The following PDZD2 variants were observed in gnomAD, a reference collection of about 807,000 sequenced individuals.
PDZD2 encodes PDZ domain containing 2, also known as PDZ domain-containing protein 2.
Under a neutral mutation model 220.7 loss-of-function variants are expected in PDZD2, and 90 were observed. The observed-to-expected ratio is 0.41, with a 90% CI of 0.34 to 0.49. The LOEUF is 0.49. PDZD2 is among the 20% of genes least tolerant of loss of function. The pLI is 0.28. For synonymous variants in PDZD2, 1,375 were observed against 1,450.5 expected, an observed-to-expected ratio of 0.95 and a Z score of 1.18; for missense variants, 3,174 against 3,608.5, an observed-to-expected ratio of 0.88 and a Z score of 3.08.
chr5:31,942,962 G>C (rs1746334428), intron 2 of PDZD2, among the ~76,000 whole-genome samples: 3 of 152,180 alleles, frequency 2.0e-5, no homozygotes, highest in Admixed American at 2.0e-4. Context: ...CAGCACTTTG[G>C]GAGCCCAAGG....
intron 1 of PDZD2, among the ~76,000 whole-genome samples, chr5:31,789,694 C>T (rs1472710468): frequency 6.6e-6 from 1 of 152,150 alleles, no homozygotes; most frequent in African/African-American, 2.4e-5. Context: ...TTTGGGAGGC[C>T]GAGGCATCCG....
At chr5:31,908,388 C>T (rs1307777007) in intron 2 of PDZD2, 6 of 408,594 alleles carry the variant, frequency 1.5e-5, no homozygotes, top group Non-Finnish European at 2.7e-5. Flanking sequence ...CCTTGTCAGC[C>T]ATGATCAGGT....
At chr5:31,689,276 C>T (rs7709227) in intron 1 of PDZD2, among the ~76,000 whole-genome samples, 3 of 71,358 alleles carry the variant, frequency 4.2e-5, no homozygotes, top group African/African-American at 1.9e-4. Context: ...TACATATATA[C>T]ATATATATAC....
At chr5:31,789,044 A>G (rs1753547646) in intron 1 of PDZD2, among the ~76,000 whole-genome samples, 1 of 152,248 alleles carries the variant, frequency 6.6e-6, no homozygotes, top group Non-Finnish European at 1.5e-5. Context: ...CAGCTATAAC[A>G]GAATATCTAA....
chr5:32,058,249 T>G, intron 12 of PDZD2, 146 bp downstream of exon 12: 1 of 625,110 alleles, frequency 1.6e-6, no homozygotes, highest in Non-Finnish European at 2.9e-6. Flanking sequence ...CATGGGACAG[T>G]GAGGTCAGGT....
chr5:31,713,252 C>T (rs891502052), intron 1 of PDZD2, among the ~76,000 whole-genome samples: 2 of 152,248 alleles, frequency 1.3e-5, no homozygotes, highest in Non-Finnish European at 2.9e-5. Flanking sequence ...TGGCTTCCTT[C>T]TCAGCGACTG....
chr5:32,064,945 G>A (rs1390272731), intron 14 of PDZD2, among the ~76,000 whole-genome samples: 2 of 152,122 alleles, frequency 1.3e-5, no homozygotes, highest in African/African-American at 4.8e-5. Context: ...ACCAGCCTGG[G>A]TGACAGAGCA....
chr5:31,895,820 G>C (rs1741499851), intron 2 of PDZD2, among the ~76,000 whole-genome samples: 1 of 152,078 alleles, frequency 6.6e-6, no homozygotes, highest in Admixed American at 6.5e-5. Context: ...GTTGATGCCT[G>C]AGCAGCGTAG....
At chr5:31,932,774 C>T (rs1051438543) in intron 2 of PDZD2, among the ~76,000 whole-genome samples, 1 of 152,218 alleles carries the variant, frequency 6.6e-6, no homozygotes, top group Non-Finnish European at 1.5e-5. Context: ...CATTCCTCCT[C>T]TCCCCAGCCC....
intron 23 of PDZD2, chr5:32,099,201 G>C (rs1744026334): frequency 6.5e-6 from 1 of 153,248 alleles, no homozygotes; most frequent in South Asian, 2.1e-4. Context: ...ACCACGTGCA[G>C]CGTCTGTTTC....
intron 2 of PDZD2, among the ~76,000 whole-genome samples, chr5:31,859,000 C>T (rs62361580): frequency 0.042 from 6,372 of 152,184 alleles, 157 homozygotes; most frequent in Non-Finnish European, 0.054. Context: ...CAGATGTGAG[C>T]CCCCGAGCCC....
At chr5:31,744,471 A>G (rs1455915741) in intron 1 of PDZD2, 1 of 152,242 alleles carries the variant, frequency 6.6e-6, no homozygotes, top group Non-Finnish European at 1.5e-5. Context: ...GGAAAAGAAA[A>G]AAGAAAACGA....
At chr5:32,040,386 G>A (rs6882479) in intron 7 of PDZD2, among the ~76,000 whole-genome samples, 3 of 132,034 alleles carry the variant, frequency 2.3e-5, no homozygotes, top group South Asian at 2.6e-4. Context: ...TGAGGAGTGC[G>A]TCTGCCCGGC....
At chr5:31,884,769 G>T (rs1224894438) in intron 2 of PDZD2, among the ~76,000 whole-genome samples, 1 of 151,958 alleles carries the variant, frequency 6.6e-6, no homozygotes, top group Non-Finnish European at 1.5e-5. Context: ...TGTGTTTTTA[G>T]TACAGATGGG....
chr5:31,696,400 G>A (rs1304511813), intron 1 of PDZD2, among the ~76,000 whole-genome samples: 3 of 152,168 alleles, frequency 2.0e-5, no homozygotes, highest in African/African-American at 7.2e-5. Flanking sequence ...CCTGGCTCAA[G>A]CAATTCTCCT....
chr5:31,880,034 C>T (rs1045158979), intron 2 of PDZD2, among the ~76,000 whole-genome samples: 7 of 151,972 alleles, frequency 4.6e-5, no homozygotes, highest in African/African-American at 1.7e-4. Context: ...CTGCCTCAGC[C>T]TCCCAAGTAG....
At position 32,103,390 on chromosome 5, in the gene PDZD2, C is replaced by T. The variant is rs4867419; in HGVS notation, c.8353+2151C>T. ...CAGGACTGCACCATTGCACTCCAGC[C>T]TGGATGACAGAGTAGGACCCTGTCT... On this transcript the variant is annotated intron_variant, in intron 24 of 24. Transcript: ENST00000438447. The T allele has an allele frequency of 0.55, 83,560 of 151,432 alleles. 24,703 individuals carry two copies. The highest frequency in any genetic ancestry group is 0.66 in the Non-Finnish European group (45,146 of 67,982). The allele number at this position is 151,432 out of a possible 1,614,324, so 9.4% of individuals were successfully genotyped here. A position where few individuals can be genotyped will look rare whatever the true frequency, so the allele number is the denominator to read the frequency against.
At position 32,110,878 on chromosome 5, in the gene PDZD2, A is replaced by AAAC. The variant is rs2111804485; in HGVS notation, c.*2747_*2749dup. The AAAC allele has an allele frequency of 6.6e-6, 1 of 152,482 alleles. No homozygotes were observed. Among genetic ancestry groups the AAAC allele is most frequent in the East Asian group, 1.9e-4 (1 of 5,196 alleles). 9.4% of individuals were successfully genotyped at this position (152,482 alleles called of 1,614,324 possible). A position where few individuals can be genotyped will look rare whatever the true frequency, so the allele number is the denominator to read the frequency against. On this transcript the variant is annotated 3_prime_UTR_variant, in exon 25 of 25. Transcript: ENST00000438447. ...AAGTTATATAAATCCACATCTCTGT[A>AAAC]AACAACCTTTTTTAAGTAATTTTAA...
At chr5:32,094,987 T>A (rs2111607967) in intron 21 of PDZD2, among the ~76,000 whole-genome samples, 1 of 152,346 alleles carries the variant, frequency 6.6e-6, no homozygotes, top group Middle Eastern at 3.4e-3. Context: ...TAAGGAAGGA[T>A]TTCATGTGTG....
Sources: gnomAD v4.1 joint callset for allele counts (sites outside exome capture counted in the v4.1 genomes callset) on GRCh38, gnomAD v4.1.1 for gene constraint, MANE v1.5 for transcripts, NCBI Gene and HGNC (gene_info 2026-07-23, HGNC 2026-07-21) for gene names.